Variants in SAMD5 observed in about 807,000 individuals in gnomAD.
SAMD5 encodes sterile alpha motif domain containing 5, also known as sterile alpha motif domain-containing protein 5.
SAMD5 carries 13 observed loss-of-function variants against 11.3 expected under a neutral mutation model. The observed-to-expected ratio is 1.15, with a 90% confidence interval of 0.75 to 1.83. The LOEUF (loss-of-function observed/expected upper bound fraction) is 1.83. Among genes scored for constraint, SAMD5 ranks in the 40% most tolerant of loss-of-function variants. The probability of loss-of-function intolerance (pLI) is 0.00; values close to 1 mark genes in which losing one functional copy is unlikely to be tolerated. For missense variants in SAMD5, 255 were observed against 239.1 expected (o/e 1.07, Z -0.44); for synonymous variants, 129 against 111.3 (o/e 1.16, Z -1.00).
chr6:147,920,144 T>C, the SAMD5 span, among the ~76,000 whole-genome samples: 1 of 152,104 alleles, frequency 6.6e-6, no homozygotes, highest in African/African-American at 2.4e-5. Flanking sequence ...CCAAAGGAGA[T>C]TAACATTTGA....
chr6:147,729,731 G>T (rs1207874648), intron 1 of SAMD5: 1 of 456,074 alleles, frequency 2.2e-6, no homozygotes, highest in African/African-American at 2.0e-5. Flanking sequence ...GTGGAAAGCT[G>T]GGAGAACATT....
At chr6:147,798,822 A>T in the SAMD5 span, among the ~76,000 whole-genome samples, 1 of 152,148 alleles carries the variant, frequency 6.6e-6, no homozygotes, top group Non-Finnish European at 1.5e-5. Flanking sequence ...CCATTATGTA[A>T]TGGCCTTCTT....
At chr6:147,644,930 T>C (rs1157248696) in intron 1 of SAMD5, among the ~76,000 whole-genome samples, 1 of 152,174 alleles carries the variant, frequency 6.6e-6, no homozygotes, top group Non-Finnish European at 1.5e-5. Flanking sequence ...CGCTGAATTT[T>C]GAGTTTGTTG....
chr6:147,643,785 G>GAAGT (rs1790350940), intron 1 of SAMD5, among the ~76,000 whole-genome samples: 1 of 138,420 alleles, frequency 7.2e-6, no homozygotes, highest in South Asian at 2.3e-4. Flanking sequence ...AGGAAGGAAG[G>GAAGT]AAGGAAGGAA....
chr6:147,951,431 T>C, the SAMD5 span, among the ~76,000 whole-genome samples: 8,326 of 152,144 alleles, frequency 0.055, 314 homozygotes, highest in Non-Finnish European at 0.083. Context: ...CCACCCGCCT[T>C]GGCCTCCCAA....
At chr6:147,850,376 C>T in the SAMD5 span, among the ~76,000 whole-genome samples, 3,561 of 152,194 alleles carry the variant, frequency 0.023, 67 homozygotes, top group Non-Finnish European at 0.038. Context: ...CGGCAGAGGG[C>T]TGTATCTAAA....
Position 147,554,798 on chromosome 6 carries a change from C to T in SAMD5, c.460-9596C>T, listed in dbSNP as rs146712758. On this transcript the variant is annotated intron_variant, in intron 1 of 1. Coordinates refer to ENST00000367474, the MANE Select transcript of SAMD5 (RefSeq NM_001030060.3). ...ATTTCAGACTGATGACTTGGTTGGA[C>T]GCTTGATGCTGATTTTGTGATGCCT... 1.5e-4 allele frequency among the ~76,000 whole-genome samples: 23 copies of T among 152,248 alleles called. No homozygotes were observed. In the East Asian group the frequency reaches 1.9e-3, roughly 13 times the overall value.
the SAMD5 span, among the ~76,000 whole-genome samples, chr6:147,760,830 C>G: frequency 2.0e-5 from 3 of 152,072 alleles, no homozygotes; most frequent in Admixed American, 2.0e-4. Context: ...CTTCATTGAC[C>G]TCTTTTCAAT....
At chr6:147,652,242 G>T (rs9403871) in intron 1 of SAMD5, among the ~76,000 whole-genome samples, 51 of 152,032 alleles carry the variant, frequency 3.4e-4, no homozygotes, top group African/African-American at 1.2e-3. Flanking sequence ...TTCATCAGAG[G>T]TTCCAAATAT....
At chr6:147,760,008 A>G in the SAMD5 span, among the ~76,000 whole-genome samples, 2 of 152,202 alleles carry the variant, frequency 1.3e-5, no homozygotes, top group East Asian at 3.8e-4. Flanking sequence ...GAAGAAAATA[A>G]ATAGGACTGT....
At chr6:147,538,618 C>T (rs960587958) in intron 1 of SAMD5, among the ~76,000 whole-genome samples, 2 of 152,116 alleles carry the variant, frequency 1.3e-5, no homozygotes, top group Admixed American at 6.5e-5. Flanking sequence ...GCATAGCTAG[C>T]GGGCATAGCT....
At chr6:147,865,321 T>A in the SAMD5 span, among the ~76,000 whole-genome samples, 21 of 5,800 alleles carry the variant, frequency 3.6e-3, no homozygotes, top group Admixed American at 0.01. Flanking sequence ...TAAGTGTGTG[T>A]GTGTGTGTGT....
chr6:147,882,750 C>T, the SAMD5 span, among the ~76,000 whole-genome samples: 223 of 152,312 alleles, frequency 1.5e-3, no homozygotes, highest in Middle Eastern at 3.4e-3. Flanking sequence ...AAAACAAAAA[C>T]TTGCCATAAA....
the SAMD5 span, among the ~76,000 whole-genome samples, chr6:147,901,439 A>AATCTT: frequency 1.0e-5 from 1 of 98,970 alleles, no homozygotes; most frequent in Admixed American, 1.0e-4. Context: ...CATAAGAACT[A>AATCTT]ATCTTCTCCT....
intron 1 of SAMD5, among the ~76,000 whole-genome samples, chr6:147,530,559 G>A (rs536432546): frequency 6.8e-4 from 103 of 152,308 alleles, no homozygotes; most frequent in Non-Finnish European, 1.3e-3. Flanking sequence ...CCAAGTACCT[G>A]CCTCCTGAGC....
chr6:147,880,867 GA>G, the SAMD5 span, among the ~76,000 whole-genome samples: 2 of 151,990 alleles, frequency 1.3e-5, no homozygotes, highest in African/African-American at 2.4e-5. Flanking sequence ...ACTAGATCCT[GA>G]AAAAAACATC....
At chr6:147,603,580 C>A (rs1267317546) in intron 1 of SAMD5, among the ~76,000 whole-genome samples, 1 of 152,086 alleles carries the variant, frequency 6.6e-6, no homozygotes, top group African/African-American at 2.4e-5. Flanking sequence ...CTCCCAGCAC[C>A]AGGGCCTGGC....
At chr6:147,909,624 CT>C in the SAMD5 span, among the ~76,000 whole-genome samples, 6,175 of 68,856 alleles carry the variant, frequency 0.09, 709 homozygotes, top group Admixed American at 0.2. Context: ...TTCTTTCTTT[CT>C]TTCTTTCTCT....
chr6:147,901,434 GA>G, the SAMD5 span, among the ~76,000 whole-genome samples: 3 of 107,896 alleles, frequency 2.8e-5, no homozygotes, highest in Non-Finnish European at 5.4e-5. Flanking sequence ...GGTTACATAA[GA>G]ACTAATCTTC....
Sources: allele counts gnomAD v4.1 joint callset (sites outside exome capture counted in the v4.1 genomes callset), GRCh38; gene constraint gnomAD v4.1.1; transcripts MANE v1.5; gene names NCBI Gene and HGNC (gene_info 2026-07-23, HGNC 2026-07-21).